TFCP2L1: variants seen among roughly 807,000 people sequenced by gnomAD.
TFCP2L1 encodes transcription factor CP2 like 1, also known as transcription factor CP2-like protein 1.
In TFCP2L1, 12 loss-of-function variants were observed where a neutral mutation model predicts 72.2. The observed-to-expected ratio is 0.17, with a 90% CI of 0.11 to 0.27. The LOEUF (loss-of-function observed/expected upper bound fraction) is 0.27. TFCP2L1 is among the 10% of genes least tolerant of loss of function. The pLI, the probability that TFCP2L1 is intolerant of heterozygous loss-of-function variation, is 1.00. For missense variants in TFCP2L1, 488 were observed against 624.6 expected (o/e 0.78, Z 2.33); for synonymous variants, 260 against 251.0 (o/e 1.04, Z -0.34).
intron 8 of TFCP2L1, among the ~76,000 whole-genome samples, 193 bp downstream of exon 8, chr2:121,239,365 C>T (rs1686314871): frequency 6.6e-6 from 1 of 152,208 alleles, no homozygotes; most frequent in Admixed American, 6.5e-5. Context: ...CGCTGTCCCA[C>T]CCGACAACGT....
At chr2:121,271,716 T>C (rs901897527) in intron 2 of TFCP2L1, among the ~76,000 whole-genome samples, 5 of 152,228 alleles carry the variant, frequency 3.3e-5, no homozygotes, top group African/African-American at 1.2e-4. Flanking sequence ...AGTGAAACTG[T>C]CCTGGTTTCA....
chr2:121,271,209 A>T (rs972107386), intron 2 of TFCP2L1, among the ~76,000 whole-genome samples: 4 of 152,040 alleles, frequency 2.6e-5, no homozygotes, highest in Non-Finnish European at 5.9e-5. Flanking sequence ...ATAAAAAAAA[A>T]AAAACAAAAA....
intron 8 of TFCP2L1, among the ~76,000 whole-genome samples, chr2:121,238,537 T>C (rs1686297655): frequency 6.6e-6 from 1 of 152,028 alleles, no homozygotes; most frequent in African/African-American, 2.4e-5. Context: ...ATGGTAAATT[T>C]TGTGTTATGT....
At chr2:121,234,739 A>G (rs1006755591) in intron 11 of TFCP2L1, among the ~76,000 whole-genome samples, 12 of 152,376 alleles carry the variant, frequency 7.9e-5, no homozygotes, top group Non-Finnish European at 1.6e-4. Flanking sequence ...AGTGCTCCAC[A>G]GCCACATGTG....
At chr2:121,268,210 A>G (rs1686971621) in intron 2 of TFCP2L1, among the ~76,000 whole-genome samples, 1 of 152,258 alleles carries the variant, frequency 6.6e-6, no homozygotes, top group African/African-American at 2.4e-5. Flanking sequence ...CGGAATTCAC[A>G]AATTTCACAT....
intron 2 of TFCP2L1, among the ~76,000 whole-genome samples, chr2:121,278,316 G>C (rs1050307292): frequency 6.7e-6 from 1 of 150,194 alleles, no homozygotes; most frequent in African/African-American, 2.4e-5. Context: ...GATTACAGGC[G>C]TGAGCCACTG....
At chr2:121,274,896 T>C (rs1687114483) in intron 2 of TFCP2L1, among the ~76,000 whole-genome samples, 1 of 151,364 alleles carries the variant, frequency 6.6e-6, no homozygotes, top group Non-Finnish European at 1.5e-5. Context: ...GCCATGATTA[T>C]GCCACTGCAT....
chr2:121,272,687 T>C (rs1687068521), intron 2 of TFCP2L1, among the ~76,000 whole-genome samples: 1 of 152,236 alleles, frequency 6.6e-6, no homozygotes, highest in East Asian at 1.9e-4. Context: ...ATTGGCGAGA[T>C]GCTTCCTCTT....
rs569236093 is a variant in TFCP2L1 at position 121,243,402 on chromosome 2, C to G, written c.658-933G>C. On this transcript the variant is annotated intron_variant, in intron 6 of 14. Transcript: ENST00000263707. ...GATCAAGGGTTTTTAGGGAGCATCTCTTACAGCAGTGGTCCTCAACCTCTG... is the reference window on the plus strand; with the variant it reads ...GATCAAGGGTTTTTAGGGAGCATCTGTTACAGCAGTGGTCCTCAACCTCTG... 2.6e-5 allele frequency among the ~76,000 whole-genome samples: 4 copies of G among 152,356 alleles called. No individual in the cohort carries two copies. In the East Asian group the frequency reaches 7.7e-4, roughly 29 times the overall value.
chr2:121,253,721 A>G (rs1686656854), intron 2 of TFCP2L1, among the ~76,000 whole-genome samples: 1 of 152,202 alleles, frequency 6.6e-6, no homozygotes, highest in Non-Finnish European at 1.5e-5. Context: ...GGGTAAAGCC[A>G]TTGAGTGAGG....
rs543973336 is a variant in TFCP2L1 at position 121,263,951 on chromosome 2, TG to T, written c.215-14305del. Among the ~76,000 whole-genome samples, 278 of 151,814 alleles carry T rather than the reference TG, an allele frequency of 1.8e-3. 1 individual carries two copies. Among genetic ancestry groups the T allele is most frequent in the African/African-American group, 6.6e-3 (272 of 41,370 alleles). ...TGCCAAAAAATAAATTTTGAAAACA[TG>T]AAGAAAAAAGAAAAAAAGCCTGCCC... On this transcript the variant is annotated intron_variant, in intron 2 of 14. Transcript: ENST00000263707.
intron 7 of TFCP2L1, among the ~76,000 whole-genome samples, chr2:121,242,083 C>CAAAAAAAA (rs541937558): frequency 1.5e-5 from 1 of 65,492 alleles, no homozygotes; most frequent in African/African-American, 5.2e-5. Context: ...ATTACCTACT[C>CAAAAAAAA]AAAAAAAAAA....
intron 2 of TFCP2L1, among the ~76,000 whole-genome samples, chr2:121,267,586 C>T (rs536550371): frequency 1.2e-4 from 18 of 151,994 alleles, no homozygotes; most frequent in Non-Finnish European, 2.1e-4. Flanking sequence ...CTCCGCCTCC[C>T]GGATACAAGC....
Position 121,217,235 on chromosome 2 carries a change from G to A in TFCP2L1, c.*7106C>T, listed in dbSNP as rs1276907216. 1 of 152,284 alleles carries A rather than the reference G, an allele frequency of 6.6e-6. No homozygotes were observed. Among genetic ancestry groups the A allele is most frequent in the Non-Finnish European group, 1.5e-5 (1 of 68,074 alleles). 9.4% of individuals were successfully genotyped at this position (152,284 alleles called of 1,614,324 possible). A position where few individuals can be genotyped will look rare whatever the true frequency, so the allele number is the denominator to read the frequency against. On this transcript the variant is annotated 3_prime_UTR_variant, in exon 15 of 15. Transcript: ENST00000263707. ...TAGTGGGGGCCTCCCCATTGCTTTA[G>A]GGAGGATCGAGTGAGAAGCTGACCA...
chr2:121,226,676 C>T (rs1050637519), intron 13 of TFCP2L1, among the ~76,000 whole-genome samples: 3 of 152,158 alleles, frequency 2.0e-5, no homozygotes, highest in African/African-American at 7.2e-5. Context: ...ACCCAGTGAC[C>T]TTGGACAAGC....
chr2:121,258,376 T>G (rs890598853), intron 2 of TFCP2L1, among the ~76,000 whole-genome samples: 2 of 152,164 alleles, frequency 1.3e-5, no homozygotes, highest in Admixed American at 1.3e-4. Flanking sequence ...CGCTAAAAAA[T>G]CTGCCCAAGG....
In TFCP2L1 at chr2:121,219,831, G is replaced by A. The variant is rs1219349760; in HGVS notation, c.*4510C>T. 4 of 152,286 alleles carry A rather than the reference G, an allele frequency of 2.6e-5. No homozygotes were observed. The highest frequency in any genetic ancestry group is 6.8e-3 in the Middle Eastern group (2 of 294). 9.4% of individuals were successfully genotyped at this position (152,286 alleles called of 1,614,324 possible). A position where few individuals can be genotyped will look rare whatever the true frequency, so the allele number is the denominator to read the frequency against. ...ACCCCTCAGATTCATTTCATGGCAGGTTGGTGCCATCTTCAGAGATCACCA... is the reference window on the plus strand; with the variant it reads ...ACCCCTCAGATTCATTTCATGGCAGATTGGTGCCATCTTCAGAGATCACCA... On this transcript the variant is annotated 3_prime_UTR_variant, in exon 15 of 15. Transcript: ENST00000263707.
intron 11 of TFCP2L1, 60 bp from the exon 12 acceptor site, chr2:121,234,254 A>G (rs1247336711): frequency 1.4e-6 from 2 of 1,469,608 alleles, no homozygotes; most frequent in East Asian, 2.3e-5. Context: ...TTGTTTCAGA[A>G]TATTCCAGGA....
At chr2:121,273,655 G>A (rs1262044013) in intron 2 of TFCP2L1, among the ~76,000 whole-genome samples, 1 of 152,144 alleles carries the variant, frequency 6.6e-6, no homozygotes, top group African/African-American at 2.4e-5. Flanking sequence ...TTTGATTTAT[G>A]CCTACAGCAT....
Sources: allele counts gnomAD v4.1 joint callset (sites outside exome capture counted in the v4.1 genomes callset), GRCh38; gene constraint gnomAD v4.1.1; transcripts MANE v1.5; gene names NCBI Gene and HGNC (gene_info 2026-07-23, HGNC 2026-07-21).